HDAC8: variants seen among roughly 807,000 people sequenced by gnomAD.
HDAC8 encodes histone deacetylase 8.
Under a neutral mutation model 32.2 loss-of-function variants are expected in HDAC8, and 1 was observed. That is an observed-to-expected ratio of 0.03 (90% confidence interval 0.01 to 0.15). The LOEUF is 0.15. Among genes scored for constraint, HDAC8 ranks in the 10% least tolerant of loss-of-function variants. The pLI is 1.00. For synonymous variants in HDAC8, 108 were observed against 113.9 expected (o/e 0.95, Z 0.33); for missense variants, 117 against 300.0 (o/e 0.39, Z 4.51).
intron 4 of HDAC8, among the ~76,000 whole-genome samples, chrX:72,530,269 C>T (rs1052190540): frequency 2.7e-5 from 3 of 111,618 alleles, no homozygotes; most frequent in Admixed American, 9.5e-5. Context: ...CCTTCTATTA[C>T]CACTTTGGAA....
intron 9 of HDAC8, among the ~76,000 whole-genome samples, chrX:72,394,930 G>A (rs1433335295): frequency 1.8e-5 from 2 of 111,269 alleles, no homozygotes; most frequent in Non-Finnish European, 3.8e-5. Flanking sequence ...TGAGCATTTG[G>A]GTGCTGGACT....
At chrX:72,507,803 T>A (rs1394267754) in intron 4 of HDAC8, among the ~76,000 whole-genome samples, 1 of 112,447 alleles carries the variant, frequency 8.9e-6, no homozygotes, top group Non-Finnish European at 1.9e-5. Flanking sequence ...TGCAGCGTTG[T>A]GGTTTGGCAG....
At chrX:72,488,782 A>G (rs782354541) in intron 7 of HDAC8, 151 bp downstream of exon 7, 90 of 333,659 alleles carry the variant, frequency 2.7e-4, no homozygotes, top group African/African-American at 2.2e-3. Context: ...ATAGCTACTG[A>G]TCAAATAAGC....
chrX:72,554,967 A>G (rs1236994398), intron 4 of HDAC8, among the ~76,000 whole-genome samples: 1 of 111,745 alleles, frequency 8.9e-6, no homozygotes, highest in African/African-American at 3.3e-5. Context: ...GCCAACCAAC[A>G]CAAAACCGGT....
intron 4 of HDAC8, among the ~76,000 whole-genome samples, chrX:72,559,938 G>A (rs1158363488): frequency 1.8e-5 from 2 of 108,225 alleles, no homozygotes; most frequent in Non-Finnish European, 3.9e-5. Context: ...CGTCCAGGAG[G>A]GAGGTGGAGG....
At chrX:72,523,993 C>T (rs1355163548) in intron 4 of HDAC8, among the ~76,000 whole-genome samples, 3 of 111,938 alleles carry the variant, frequency 2.7e-5, no homozygotes, top group African/African-American at 9.8e-5. Flanking sequence ...CAGGCCAAAC[C>T]CAGCCTGTCA....
At chrX:72,402,429 TAA>T (rs1353669944) in intron 9 of HDAC8, among the ~76,000 whole-genome samples, 3 of 102,927 alleles carry the variant, frequency 2.9e-5, no homozygotes, top group East Asian at 3.2e-4. Context: ...TTTTTTTTTT[TAA>T]GTTTCTTAAA....
At chrX:72,556,945 G>A (rs1428398409) in intron 4 of HDAC8, among the ~76,000 whole-genome samples, 3 of 111,964 alleles carry the variant, frequency 2.7e-5, no homozygotes, top group Non-Finnish European at 5.6e-5. Flanking sequence ...GGCTGGGCGC[G>A]GTGGCTCACG....
intron 4 of HDAC8, among the ~76,000 whole-genome samples, chrX:72,562,034 A>C (rs1406486954): frequency 1.8e-5 from 2 of 111,991 alleles, no homozygotes; most frequent in African/African-American, 6.5e-5. Context: ...AAAATAATAG[A>C]TGTTGTTATG....
intron 9 of HDAC8, among the ~76,000 whole-genome samples, chrX:72,382,988 T>C (rs782222059): frequency 5.7e-4 from 64 of 112,271 alleles, no homozygotes; most frequent in Non-Finnish European, 1.1e-3. Context: ...TTCTCAGCCT[T>C]GCTATTTCGT....
At chrX:72,572,318 C>T (rs1417128619) in intron 1 of HDAC8, 8 of 424,891 alleles carry the variant, frequency 1.9e-5, no homozygotes, top group Non-Finnish European at 2.8e-5. Context: ...AGCTACCGGG[C>T]CTTAGGCAGG....
At chrX:72,553,039 C>G (rs1556078238) in intron 4 of HDAC8, among the ~76,000 whole-genome samples, 1 of 109,799 alleles carries the variant, frequency 9.1e-6, no homozygotes, top group African/African-American at 3.3e-5. Flanking sequence ...TACTAGCCAC[C>G]CTATTTATTT....
chrX:72,515,537 T>C (rs1237758638), intron 4 of HDAC8, among the ~76,000 whole-genome samples: 1 of 83,511 alleles, frequency 1.2e-5, no homozygotes, highest in African/African-American at 4.9e-5. Context: ...CTGGGAATAA[T>C]GATGAACAGG....
intron 9 of HDAC8, among the ~76,000 whole-genome samples, chrX:72,430,865 C>T (rs782734538): frequency 4.5e-5 from 5 of 112,066 alleles, no homozygotes; most frequent in South Asian, 3.7e-4. Flanking sequence ...AACCGAAGTT[C>T]GCAGAGTTCA....
At chrX:72,346,175 G>T (rs782566796) in intron 10 of HDAC8, among the ~76,000 whole-genome samples, 12 of 111,430 alleles carry the variant, frequency 1.1e-4, no homozygotes, top group African/African-American at 3.6e-4. Context: ...AGATGAAGAG[G>T]AATAAAGAGC....
At position 72,554,200 on chromosome X, in the gene HDAC8, G is replaced by A. The variant is rs1196149192; in HGVS notation, c.437+13689C>T. Among the ~76,000 whole-genome samples the A allele has an allele frequency of 4.5e-5, 5 of 111,240 alleles. No individual in the cohort carries two copies. In the Admixed American group the frequency reaches 4.8e-4, roughly 11 times the overall value. On this transcript the variant is annotated intron_variant, in intron 4 of 10. Coordinates refer to ENST00000373573, the MANE Select transcript of HDAC8 (RefSeq NM_018486.3). ...CAATAATTCTGCCTACTAATATGGTGGCTAGGAGGCAGGACTAGCTTACAG... is the reference window on the plus strand; with the variant it reads ...CAATAATTCTGCCTACTAATATGGTAGCTAGGAGGCAGGACTAGCTTACAG...
At chrX:72,336,184 C>T (rs1555942451) in intron 10 of HDAC8, among the ~76,000 whole-genome samples, 1 of 112,086 alleles carries the variant, frequency 8.9e-6, no homozygotes, top group Non-Finnish European at 1.9e-5. Context: ...TCCTTAACAG[C>T]ATTTGGTGTT....
At chrX:72,542,069 C>G (rs2050724421) in intron 4 of HDAC8, among the ~76,000 whole-genome samples, 1 of 112,091 alleles carries the variant, frequency 8.9e-6, no homozygotes, top group Admixed American at 9.4e-5. Context: ...TCACCCCCAA[C>G]AGCCAATTGA....
intron 9 of HDAC8, among the ~76,000 whole-genome samples, chrX:72,414,080 G>T (rs782685545): frequency 2.7e-5 from 3 of 112,217 alleles, no homozygotes; most frequent in African/African-American, 9.7e-5. Flanking sequence ...CTATTGGTAA[G>T]TGCTGCTCTC....
Sources: allele counts gnomAD v4.1 joint callset (sites outside exome capture counted in the v4.1 genomes callset), GRCh38; gene constraint gnomAD v4.1.1; transcripts MANE v1.5; gene names NCBI Gene and HGNC (gene_info 2026-07-23, HGNC 2026-07-21).